The following ZNF330 variants were observed in gnomAD, a reference collection of about 807,000 sequenced individuals.
ZNF330 encodes nucleolar atypical zinc finger, also known as zinc finger protein 330.
ZNF330 carries 31 observed loss-of-function variants against 45.5 expected under a neutral mutation model. The observed-to-expected ratio is 0.68, with a 90% CI of 0.51 to 0.92. The LOEUF (loss-of-function observed/expected upper bound fraction) is 0.92, where lower values mean the gene tolerates loss of function less well. Ranked by LOEUF, ZNF330 falls within the 40% of genes least tolerant of loss-of-function variation. The pLI, the probability that ZNF330 is intolerant of heterozygous loss-of-function variation, is 0.00. For synonymous variants in ZNF330, 138 were observed against 123.2 expected (o/e 1.12, Z -0.79); for missense variants, 356 against 387.4 (o/e 0.92, Z 0.68).
intron 4 of ZNF330, among the ~76,000 whole-genome samples, chr4:141,226,220 T>A (rs1728800354): frequency 6.6e-6 from 1 of 152,090 alleles, no homozygotes; most frequent in Admixed American, 6.6e-5. Context: ...ATTTCAAAAT[T>A]TTGTTGGGAA....
rs753692196 is a variant in ZNF330, at chr4:141,232,596, T to G, written c.642T>G (p.Pro214=). 1 of 1,596,798 alleles carries G rather than the reference T, an allele frequency of 6.3e-7. No individual in the cohort carries two copies. Among genetic ancestry groups the G allele is most frequent in the Non-Finnish European group, 8.5e-7 (1 of 1,171,648 alleles). ...KQEKGKQPPC[P]KCGHETQETK... is the part of the protein sequence containing the mutation. ...AAAAAGGAAAACAGCCTCCTTGTCC[T>G]AAATGTGGGCATGAAACTCAGGAGA... is the stretch of plus-strand genomic sequence containing the variant. Residue 214 remains proline, a synonymous_variant, in exon 9 of 10, where the codon CCT becomes CCG. Coordinates refer to ENST00000262990, the MANE Select transcript of ZNF330 (RefSeq NM_014487.6).
At position 141,234,291 on chromosome 4, in the gene ZNF330, T is replaced by A. The variant is rs114650792; in HGVS notation, c.*302T>A. 0.017 allele frequency: 4,028 copies of A among 233,566 alleles called. 57 individuals are homozygous for A. The highest frequency in any genetic ancestry group is 0.044 in the Middle Eastern group (30 of 688). The allele number at this position is 233,566 out of a possible 1,614,324, so 14.5% of individuals were successfully genotyped here. Reference sequence around the variant, plus strand: ...GCCAATTAGATACATATATACAAGATAAAGGAATAGGATGGTAATATATTT... The same window carrying A: ...GCCAATTAGATACATATATACAAGAAAAAGGAATAGGATGGTAATATATTT... On this transcript the variant is annotated 3_prime_UTR_variant, in exon 10 of 10. Coordinates refer to ENST00000262990, the MANE Select transcript of ZNF330 (RefSeq NM_014487.6).
At chr4:141,231,001 G>T (rs1171967396) in intron 7 of ZNF330, among the ~76,000 whole-genome samples, 1 of 151,822 alleles carries the variant, frequency 6.6e-6, no homozygotes, top group Non-Finnish European at 1.5e-5. Context: ...AATTCCCCAG[G>T]TATTCTCTTC....
At chr4:141,231,410 G>A (rs757459552) in intron 7 of ZNF330, 29 bp from the exon 8 acceptor site, 37 of 1,572,664 alleles carry the variant, frequency 2.4e-5, no homozygotes, top group Non-Finnish European at 3.1e-5. Context: ...CCAAATAACG[G>A]GATTTTAAAA....
intron 9 of ZNF330, 40 bp downstream of exon 9, chr4:141,232,682 C>A: frequency 6.5e-6 from 7 of 1,079,184 alleles, no homozygotes; most frequent in South Asian, 2.2e-5. Flanking sequence ...TTTTTGCTTT[C>A]ATACTTAGAC....
intron 2 of ZNF330, chr4:141,223,772 T>C (rs547065863): frequency 2.2e-6 from 1 of 456,216 alleles, no homozygotes; most frequent in East Asian, 6.9e-5. Context: ...TTATTAGGAC[T>C]AAGAGGTGAT....
At chr4:141,230,926 A>G (rs1318496866) in intron 7 of ZNF330, among the ~76,000 whole-genome samples, 3 of 152,108 alleles carry the variant, frequency 2.0e-5, no homozygotes, top group Non-Finnish European at 4.4e-5. Flanking sequence ...AAACAATAGC[A>G]TGTGGTACTT....
chr4:141,229,518 G>A, intron 5 of ZNF330, 53 bp from the exon 6 acceptor site: 3 of 1,606,892 alleles, frequency 1.9e-6, no homozygotes, highest in Non-Finnish European at 1.7e-6. Context: ...GTTAAAGAAT[G>A]GTTGCAGGTG....
intron 9 of ZNF330, 149 bp from the exon 10 acceptor site, chr4:141,233,566 A>G (rs1729009880): frequency 1.5e-6 from 2 of 1,304,892 alleles, no homozygotes; most frequent in South Asian, 3.3e-5. Flanking sequence ...TGTTGTATAT[A>G]GACTCAGGTG....
intron 7 of ZNF330, 81 bp downstream of exon 7, chr4:141,230,351 AG>A: frequency 1.3e-6 from 1 of 787,124 alleles, no homozygotes; most frequent in East Asian, 2.7e-5. Flanking sequence ...AAAGGAATCA[AG>A]TTTTTTTATA....
In ZNF330 at chr4:141,234,247, T is replaced by C. The variant is rs1163937918; in HGVS notation, c.*258T>C. 2 of 457,852 alleles carry C rather than the reference T, an allele frequency of 4.4e-6. No homozygotes were observed. Among genetic ancestry groups the C allele is most frequent in the African/African-American group, 4.0e-5 (2 of 49,946 alleles). The allele number at this position is 457,852 out of a possible 1,614,324, so 28.4% of individuals were successfully genotyped here. A position where few individuals can be genotyped will look rare whatever the true frequency, so the allele number is the denominator to read the frequency against. On this transcript the variant is annotated 3_prime_UTR_variant, in exon 10 of 10. Transcript: ENST00000262990. ...GTATCATGGATTGGATTGTTACTGATTTCAGTAAAGTATGTTTTGCCAATT... is the reference window on the plus strand; with the variant it reads ...GTATCATGGATTGGATTGTTACTGACTTCAGTAAAGTATGTTTTGCCAATT...
intron 4 of ZNF330, among the ~76,000 whole-genome samples, chr4:141,225,495 C>T (rs1728782304): frequency 1.3e-5 from 2 of 150,978 alleles, no homozygotes; most frequent in Non-Finnish European, 3.0e-5. Context: ...TACATCCCCC[C>T]CCAACTTTTG....
chr4:141,225,049 T>C (rs1728770630), intron 4 of ZNF330, among the ~76,000 whole-genome samples: 2 of 152,234 alleles, frequency 1.3e-5, no homozygotes, highest in South Asian at 4.1e-4. Flanking sequence ...CCTGCTGATA[T>C]TACCTGCAGT....
At chr4:141,222,603 T>C in intron 2 of ZNF330, 112 bp downstream of exon 2, 1 of 1,217,164 alleles carries the variant, frequency 8.2e-7, no homozygotes, top group Non-Finnish European at 1.1e-6. Context: ...TATAGTTTGT[T>C]GCTGAATTTA....
rs1057250397 is a variant in ZNF330, at chr4:141,222,351, C to G, written c.-6-15C>G. The G allele has an allele frequency of 6.2e-7, 1 of 1,610,034 alleles. No homozygotes were observed. The highest frequency in any genetic ancestry group is 8.5e-7 in the Non-Finnish European group (1 of 1,178,452). ...CAGTCAATTATATCTTTTCTGTTCT[C>G]TTGTGTCAAAATAGGGGAAAATGCC... is the stretch of plus-strand genomic sequence containing the variant. On this transcript the variant is annotated splice_polypyrimidine_tract_variant and intron_variant, in intron 1 of 9. Transcript: ENST00000262990.
intron 7 of ZNF330, 45 bp from the exon 8 acceptor site, chr4:141,231,394 T>A (rs1462774201): frequency 6.4e-7 from 1 of 1,559,524 alleles, no homozygotes; most frequent in African/African-American, 1.4e-5. Context: ...AAGAAAATTC[T>A]AAGAACCAAA....
chr4:141,231,364 A>G, intron 7 of ZNF330, 75 bp from the exon 8 acceptor site: 1 of 1,385,406 alleles, frequency 7.2e-7, no homozygotes, highest in Non-Finnish European at 9.9e-7. Flanking sequence ...GCAAGCTTTT[A>G]GTGATTTGAT....
chr4:141,234,269 A>C lies in ZNF330; in HGVS notation c.*280A>C. 3.2e-6 allele frequency: 1 copy of C among 311,206 alleles called. No individual in the cohort carries two copies. The highest frequency in any genetic ancestry group is 5.7e-6 in the Non-Finnish European group (1 of 176,850). The allele number at this position is 311,206 out of a possible 1,614,324, so 19.3% of individuals were successfully genotyped here. On this transcript the variant is annotated 3_prime_UTR_variant, in exon 10 of 10. Transcript: ENST00000262990. Reference sequence around the variant, plus strand: ...TGATTTCAGTAAAGTATGTTTTGCCAATTAGATACATATATACAAGATAAA... The same window carrying C: ...TGATTTCAGTAAAGTATGTTTTGCCCATTAGATACATATATACAAGATAAA...
intron 2 of ZNF330, among the ~76,000 whole-genome samples, 190 bp from the exon 3 acceptor site, chr4:141,224,297 C>T (rs1208610633): frequency 6.6e-6 from 1 of 152,106 alleles, no homozygotes; most frequent in African/African-American, 2.4e-5. Flanking sequence ...ATCATATACC[C>T]GGAGTATCAC....
Sources: allele counts gnomAD v4.1 joint callset (sites outside exome capture counted in the v4.1 genomes callset), GRCh38; gene constraint gnomAD v4.1.1; transcripts MANE v1.5; gene names NCBI Gene and HGNC (gene_info 2026-07-23, HGNC 2026-07-21).